Variants in TENM2 observed in about 807,000 individuals in gnomAD.
TENM2 encodes the protein teneurin transmembrane protein 2, also known as teneurin-2.
Under a neutral mutation model 245.2 loss-of-function variants are expected in TENM2, and 52 were observed. That is an observed-to-expected ratio of 0.21 (90% CI 0.17 to 0.27). TENM2 has a LOEUF of 0.27. TENM2 is among the 10% of genes least tolerant of loss of function. The probability of loss-of-function intolerance (pLI) is 1.00; values close to 1 mark genes in which losing one functional copy is unlikely to be tolerated. For synonymous variants in TENM2, 1,363 were observed against 1,438.9 expected (o/e 0.95, Z 1.19); for missense variants, 3,046 against 3,666.8 (o/e 0.83, Z 4.37).
chr5:167,441,926 C>T (rs536775093), intron 2 of TENM2, among the ~76,000 whole-genome samples: 179 of 152,168 alleles, frequency 1.2e-3, no homozygotes, highest in Non-Finnish European at 2.0e-3. Context: ...TCTTCTTTGC[C>T]ACCTACTTGG....
At chr5:168,034,082 C>CACAT (rs1787398752) in intron 5 of TENM2, among the ~76,000 whole-genome samples, 1 of 102,676 alleles carries the variant, frequency 9.7e-6, no homozygotes, top group Non-Finnish European at 2.1e-5. Context: ...TATATGTATA[C>CACAT]ATATATATGT....
At chr5:168,093,004 G>C (rs1264970415) in intron 8 of TENM2, among the ~76,000 whole-genome samples, 1 of 152,214 alleles carries the variant, frequency 6.6e-6, no homozygotes, top group East Asian at 1.9e-4. Context: ...AACTGAGGAA[G>C]CCAAGACTAA....
chr5:167,968,270 T>C (rs534081311), intron 4 of TENM2, among the ~76,000 whole-genome samples: 3 of 152,220 alleles, frequency 2.0e-5, no homozygotes, highest in Non-Finnish European at 4.4e-5. Flanking sequence ...TGAGAGGTCA[T>C]GGCAAAGCGC....
the TENM2 span, among the ~76,000 whole-genome samples, chr5:167,265,686 G>A: frequency 6.6e-5 from 10 of 152,088 alleles, no homozygotes; most frequent in African/African-American, 1.2e-4. Flanking sequence ...GTATTGCTGC[G>A]TTATTGTCTT....
intron 23 of TENM2, among the ~76,000 whole-genome samples, chr5:168,222,603 G>C (rs958107864): frequency 6.6e-6 from 1 of 152,178 alleles, no homozygotes; most frequent in African/African-American, 2.4e-5. Context: ...AAATAGAGCT[G>C]ATACAGAATG....
rs529658264 is a variant in TENM2, at chr5:168,212,126, G to A, written c.3845+372G>A. 1.6e-4 allele frequency among the ~76,000 whole-genome samples: 25 copies of A among 151,856 alleles called. No individual in the cohort carries two copies. The South Asian group carries it at 1.7e-3, about 10-fold the overall frequency. On this transcript the variant is annotated intron_variant, in intron 20 of 28. Coordinates refer to ENST00000518659, the Ensembl canonical transcript of TENM2. Reference sequence around the variant, plus strand: ...ACAAAAGCTTTAATGAACTGGAAACGGGTTAAAAACTCATTTTCAACTCAT... The same window carrying A: ...ACAAAAGCTTTAATGAACTGGAAACAGGTTAAAAACTCATTTTCAACTCAT...
chr5:167,375,015 G>A (rs1314697679), intron 1 of TENM2, among the ~76,000 whole-genome samples, 183 bp from the exon 4 acceptor site: 2 of 152,012 alleles, frequency 1.3e-5, no homozygotes, highest in Admixed American at 1.3e-4. Flanking sequence ...TCTTTCTTTT[G>A]TTTGTTTTTC....
At chr5:167,610,567 C>G (rs1418331762) in intron 2 of TENM2, among the ~76,000 whole-genome samples, 1 of 152,160 alleles carries the variant, frequency 6.6e-6, no homozygotes, top group East Asian at 1.9e-4. Context: ...GAACCAAGAA[C>G]AGAAAGCAAA....
chr5:168,212,336 A>G (rs1762856459), intron 20 of TENM2, among the ~76,000 whole-genome samples: 1 of 152,226 alleles, frequency 6.6e-6, no homozygotes, highest in African/African-American at 2.4e-5. Context: ...TGGTCATTAC[A>G]TTGATCCAAG....
intron 2 of TENM2, among the ~76,000 whole-genome samples, chr5:167,622,437 G>A (rs1462710724): frequency 1.3e-5 from 2 of 152,096 alleles, no homozygotes; most frequent in South Asian, 2.1e-4. Flanking sequence ...ACTACTTCTG[G>A]CCAAGTTATT....
At chr5:167,440,525 A>T (rs1345086299) in intron 2 of TENM2, among the ~76,000 whole-genome samples, 1 of 151,686 alleles carries the variant, frequency 6.6e-6, no homozygotes, top group Non-Finnish European at 1.5e-5. Flanking sequence ...TTCAAATGAA[A>T]CATATATATA....
chr5:167,271,012 C>T, the TENM2 span, among the ~76,000 whole-genome samples: 423 of 152,196 alleles, frequency 2.8e-3, 12 homozygotes, highest in East Asian at 0.054. Flanking sequence ...CTTGACTTGA[C>T]GATGATTTTG....
chr5:167,782,145 C>T (rs1232536763), intron 2 of TENM2, among the ~76,000 whole-genome samples: 2 of 151,530 alleles, frequency 1.3e-5, no homozygotes, highest in Non-Finnish European at 2.9e-5. Context: ...GAAACCCAGT[C>T]TCTACTTAAA....
Position 167,523,067 on chromosome 5 carries a change from T to C in TENM2, c.502+147594T>C, listed in dbSNP as rs78801420. ...TCTCCCTCTGCTCCATTTTCCTCTGTGTGTCTGTCTCAGTCTCCCTCTGCC... is the reference window on the plus strand; with the variant it reads ...TCTCCCTCTGCTCCATTTTCCTCTGCGTGTCTGTCTCAGTCTCCCTCTGCC... On this transcript the variant is annotated intron_variant, in intron 2 of 28. Coordinates refer to ENST00000518659, the Ensembl canonical transcript of TENM2. Among the ~76,000 whole-genome samples the C allele has an allele frequency of 4.3e-3, 650 of 152,288 alleles. 7 individuals are homozygous for C. Among genetic ancestry groups the C allele is most frequent in the African/African-American group, 0.015 (615 of 41,568 alleles).
the TENM2 span, among the ~76,000 whole-genome samples, chr5:167,181,572 A>G: frequency 6.6e-6 from 1 of 151,506 alleles, no homozygotes; most frequent in Non-Finnish European, 1.5e-5. Flanking sequence ...TGTTGTGTAA[A>G]GCACGCAATA....
chr5:168,081,089 C>G (rs1454958082), intron 7 of TENM2, among the ~76,000 whole-genome samples: 1 of 152,082 alleles, frequency 6.6e-6, no homozygotes, highest in African/African-American at 2.4e-5. Context: ...GGTCCCTAAG[C>G]ACTTGCATTA....
At chr5:167,477,586 A>G (rs1034883975) in intron 2 of TENM2, among the ~76,000 whole-genome samples, 13 of 152,182 alleles carry the variant, frequency 8.5e-5, no homozygotes, top group African/African-American at 3.1e-4. Context: ...CTACAAAATA[A>G]GTTTGGTTAC....
chr5:167,952,926 C>A, intron 4 of TENM2, 104 bp downstream of exon 6: 1 of 929,272 alleles, frequency 1.1e-6, no homozygotes, highest in Non-Finnish European at 1.7e-6. Context: ...GAGAGACCCT[C>A]TGGGTATAAA....
rs934088822 is a variant in TENM2 at position 167,327,029 on chromosome 5, A to C, written c.226+41966A>C. 1.5e-4 allele frequency among the ~76,000 whole-genome samples: 23 copies of C among 152,158 alleles called. 1 individual carries two copies. Among genetic ancestry groups the C allele is most frequent in the Admixed American group, 5.9e-4 (9 of 15,278 alleles). On this transcript the variant is annotated intron_variant, in intron 1 of 28. Transcript: ENST00000518659. ...ATTAAACATTTATTCTTTTTTAAAAAATTTTATTATTATACTTTAAGTTTT... is the reference window on the plus strand; with the variant it reads ...ATTAAACATTTATTCTTTTTTAAAACATTTTATTATTATACTTTAAGTTTT...
Sources: allele counts gnomAD v4.1 joint callset (sites outside exome capture counted in the v4.1 genomes callset), GRCh38; gene constraint gnomAD v4.1.1; transcripts MANE v1.5; gene names NCBI Gene and HGNC (gene_info 2026-07-23, HGNC 2026-07-21).